Variants in C2CD3 observed in about 807,000 individuals in gnomAD.
The protein encoded by C2CD3 is C2 domain-containing protein 3.
C2CD3 carries 148 observed loss-of-function variants against 234.0 expected under a neutral mutation model. The ratio of observed to expected loss-of-function variants is 0.63; its 90% CI spans 0.55 to 0.72. C2CD3 has a LOEUF of 0.72. Ranked by LOEUF, C2CD3 falls within the 30% of genes least tolerant of loss-of-function variation. The pLI is 0.00. For missense variants in C2CD3, 2,577 were observed against 2,811.5 expected (o/e 0.92, Z 1.89); for synonymous variants, 1,000 against 1,035.4 (o/e 0.97, Z 0.66).
Position 74,038,117 on chromosome 11 carries a change from G to A in C2CD3, c.5661-419C>T, listed in dbSNP as rs565872418. Reference sequence around the variant, plus strand: ...CTTCTAAAAAGCCTTCCCTAAATTGGTTTAGGGGCTCCTCTTCTGTGCTCC... The same window carrying A: ...CTTCTAAAAAGCCTTCCCTAAATTGATTTAGGGGCTCCTCTTCTGTGCTCC... On this transcript the variant is annotated intron_variant, in intron 29 of 32. Transcript: ENST00000334126. Among the ~76,000 whole-genome samples the A allele has an allele frequency of 3.3e-5, 5 of 152,158 alleles. No homozygotes were observed. In the South Asian group the frequency reaches 1.0e-3, roughly 32 times the overall value.
At chr11:74,136,033 T>C (rs896230159) in intron 5 of C2CD3, among the ~76,000 whole-genome samples, 2 of 151,578 alleles carry the variant, frequency 1.3e-5, no homozygotes, top group African/African-American at 2.4e-5. Flanking sequence ...ACCTGGGTGA[T>C]AGGATCATTC....
chr11:74,037,855 C>T (rs1425857395), intron 29 of C2CD3, among the ~76,000 whole-genome samples, 157 bp from the exon 30 acceptor site: 2 of 152,160 alleles, frequency 1.3e-5, no homozygotes, highest in African/African-American at 4.8e-5. Context: ...TCCACCAACT[C>T]ATCCTTCACT....
At chr11:74,160,864 G>GTT (rs1401186628) in intron 3 of C2CD3, among the ~76,000 whole-genome samples, 2 of 152,082 alleles carry the variant, frequency 1.3e-5, no homozygotes, top group Non-Finnish European at 2.9e-5. Flanking sequence ...AAAAATATGT[G>GTT]TATCACGCGT....
intron 28 of C2CD3, among the ~76,000 whole-genome samples, chr11:74,047,504 C>A (rs891712742): frequency 2.0e-5 from 3 of 152,194 alleles, no homozygotes; most frequent in African/African-American, 7.2e-5. Context: ...CCAAGGATCT[C>A]TTCATGTGGT....
intron 9 of C2CD3, among the ~76,000 whole-genome samples, chr11:74,117,453 A>C (rs758683344): frequency 2.7e-5 from 4 of 147,300 alleles, no homozygotes. Flanking sequence ...CCTAGATGGA[A>C]TTGGAGACCA....
chr11:74,132,998 A>G, intron 6 of C2CD3, 26 bp from the exon 7 acceptor site: 1 of 1,610,946 alleles, frequency 6.2e-7, no homozygotes, highest in Non-Finnish European at 8.5e-7. Flanking sequence ...ATACTTTCTC[A>G]CTGAGTGGCT....
At chr11:74,129,195 G>A (rs1397256209) in intron 7 of C2CD3, 17 of 171,214 alleles carry the variant, frequency 9.9e-5, no homozygotes, top group Middle Eastern at 2.7e-3. Flanking sequence ...ACCTCCCTCC[G>A]GGACGGGGTG....
intron 3 of C2CD3, among the ~76,000 whole-genome samples, chr11:74,144,388 C>T (rs1220035755): frequency 6.6e-6 from 1 of 152,136 alleles, no homozygotes; most frequent in Non-Finnish European, 1.5e-5. Flanking sequence ...TTGCCAGCTC[C>T]CCAAAGCTTC....
Position 74,147,169 on chromosome 11 carries a change from A to C in C2CD3, c.484-7341T>G, listed in dbSNP as rs1424605511. On this transcript the variant is annotated intron_variant, in intron 3 of 32. Coordinates refer to ENST00000334126, the MANE Select transcript of C2CD3 (RefSeq NM_001286577.2). ...AGTGGTTCACACAAATAATTCCAGCATTTTGAGAGGCAGAGACAGGAGGAT... is the reference window on the plus strand; with the variant it reads ...AGTGGTTCACACAAATAATTCCAGCCTTTTGAGAGGCAGAGACAGGAGGAT... Among the ~76,000 whole-genome samples the C allele has an allele frequency of 2.0e-5, 3 of 152,328 alleles. No homozygotes were observed. In the East Asian group the frequency reaches 5.8e-4, roughly 29 times the overall value.
At chr11:74,035,859 C>T (rs114514763) in intron 30 of C2CD3, among the ~76,000 whole-genome samples, 1 of 148,716 alleles carries the variant, frequency 6.7e-6, no homozygotes, top group African/African-American at 2.5e-5. Context: ...AGCTTCAATT[C>T]TTTTTTTTTT....
intron 20 of C2CD3, 97 bp downstream of exon 20, chr11:74,090,716 G>A: frequency 1.5e-6 from 2 of 1,371,398 alleles, no homozygotes; most frequent in South Asian, 2.6e-5. Context: ...TTAGTGAACT[G>A]GAAATTATAC....
chr11:74,102,091 A>C (rs1456176970), intron 14 of C2CD3, among the ~76,000 whole-genome samples: 1 of 152,190 alleles, frequency 6.6e-6, no homozygotes, highest in Non-Finnish European at 1.5e-5. Context: ...CAGTGAAGGT[A>C]AAGGGATGTC....
intron 24 of C2CD3, among the ~76,000 whole-genome samples, chr11:74,073,586 CAAAAAAAA>C (rs72379516): frequency 8.7e-6 from 1 of 114,586 alleles, no homozygotes; most frequent in Non-Finnish European, 1.9e-5. Context: ...GACTTTGTTT[CAAAAAAAA>C]AAAAAAAAAA....
In C2CD3 at chr11:74,078,716, C is replaced by A. The variant is rs773681116; in HGVS notation, c.4002G>T (p.Gly1334=). The A allele has an allele frequency of 3.2e-6, 5 of 1,575,628 alleles. No homozygotes were observed. Among genetic ancestry groups the A allele is most frequent in the African/African-American group, 1.4e-5 (1 of 72,744 alleles). Residue 1334 remains glycine (G), a splice_region_variant and synonymous_variant, in exon 23 of 33, where the codon GGG becomes GGT. Transcript: ENST00000334126. ...AAATGATAGGATACCATCCTGTGAT[C>A]CCTTACGGGAGAAAATAAAGATTCT... is the stretch of plus-strand genomic sequence containing the variant. ...PTKELLIKRS[G]ITGWYPIILP...
chr11:74,102,626 G>A lies in C2CD3; in HGVS notation c.2580+505C>T, dbSNP rs148580863. On this transcript the variant is annotated intron_variant, in intron 14 of 32. Coordinates refer to ENST00000334126, the MANE Select transcript of C2CD3 (RefSeq NM_001286577.2). ...CACCCTTTTCCTAGTTTTCCTTCTG[G>A]CCCAATGACTGAAAAAGAACAGCTT... 8.6e-3 allele frequency among the ~76,000 whole-genome samples: 1,303 copies of A among 152,208 alleles called. 6 individuals are homozygous for A. Among genetic ancestry groups the A allele is most frequent in the Non-Finnish European group, 0.015 (1,011 of 68,010 alleles).
chr11:74,019,569 C>A (rs1231540329), intron 32 of C2CD3, among the ~76,000 whole-genome samples: 3 of 152,178 alleles, frequency 2.0e-5, no homozygotes, highest in African/African-American at 7.2e-5. Flanking sequence ...TCAGTAAGTT[C>A]CCTCAGGCCC....
chr11:74,025,542 A>G (rs1362593078), intron 32 of C2CD3, among the ~76,000 whole-genome samples: 1 of 152,206 alleles, frequency 6.6e-6, no homozygotes, highest in Non-Finnish European at 1.5e-5. Context: ...ACACAAAAGC[A>G]GGAACAGCAA....
intron 16 of C2CD3, among the ~76,000 whole-genome samples, chr11:74,097,292 T>G (rs1247251723): frequency 6.6e-6 from 1 of 152,352 alleles, no homozygotes; most frequent in East Asian, 1.9e-4. Context: ...GGTTCAGACT[T>G]AAGAATATAA....
At chr11:74,018,904 T>G (rs530881374) in intron 32 of C2CD3, among the ~76,000 whole-genome samples, 68 of 152,102 alleles carry the variant, frequency 4.5e-4, no homozygotes, top group Admixed American at 9.2e-4. Context: ...ATATGCTCCC[T>G]CCGTGCCACA....
Sources: gnomAD v4.1 joint callset for allele counts (sites outside exome capture counted in the v4.1 genomes callset) on GRCh38, gnomAD v4.1.1 for gene constraint, MANE v1.5 for transcripts, NCBI Gene and HGNC (gene_info 2026-07-23, HGNC 2026-07-21) for gene names.